GSG1L: variants seen among roughly 807,000 people sequenced by gnomAD.
GSG1L encodes GSG1 like, also known as germ cell-specific gene 1-like protein.
GSG1L carries 24 observed loss-of-function variants against 42.1 expected under a neutral mutation model. That is an observed-to-expected ratio of 0.57 (90% confidence interval 0.41 to 0.80). GSG1L has a LOEUF of 0.80. Among genes scored for constraint, GSG1L ranks in the 30% least tolerant of loss-of-function variants. GSG1L has a pLI of 0.00. For missense variants in GSG1L, 445 were observed against 472.2 expected, an observed-to-expected ratio of 0.94 and a Z score of 0.53; for synonymous variants, 215 against 203.5, an observed-to-expected ratio of 1.06 and a Z score of -0.48.
At chr16:27,924,952 C>A (rs928172016) in intron 2 of GSG1L, among the ~76,000 whole-genome samples, 4 of 152,190 alleles carry the variant, frequency 2.6e-5, no homozygotes, top group Non-Finnish European at 5.9e-5. Flanking sequence ...CCGGATCACA[C>A]GCCTACTTCT....
chr16:27,816,952 G>C (rs2083100996), intron 5 of GSG1L, among the ~76,000 whole-genome samples: 1 of 152,208 alleles, frequency 6.6e-6, no homozygotes, highest in Non-Finnish European at 1.5e-5. Context: ...CTGCAGAGGT[G>C]TTGGAGGTGA....
At chr16:28,039,400 G>A (rs2086079339) in intron 1 of GSG1L, among the ~76,000 whole-genome samples, 1 of 152,158 alleles carries the variant, frequency 6.6e-6, no homozygotes, top group African/African-American at 2.4e-5. Flanking sequence ...GTTGGTAGGA[G>A]CCATGGAGAC....
chr16:27,829,616 A>C (rs961468240), intron 4 of GSG1L, among the ~76,000 whole-genome samples: 13 of 152,190 alleles, frequency 8.5e-5, no homozygotes, highest in Non-Finnish European at 8.8e-5. Context: ...GTGCGATCAT[A>C]GCTTACTGCA....
chr16:27,956,442 T>C (rs1474742249), intron 2 of GSG1L, among the ~76,000 whole-genome samples: 1 of 152,194 alleles, frequency 6.6e-6, no homozygotes, highest in Non-Finnish European at 1.5e-5. Context: ...TTGAGACCTA[T>C]GGTCAGGTCC....
chr16:28,026,033 C>T (rs1045644726), intron 1 of GSG1L, among the ~76,000 whole-genome samples: 3 of 152,208 alleles, frequency 2.0e-5, no homozygotes, highest in Admixed American at 6.5e-5. Context: ...TAAAGAAATT[C>T]GTCTGATCAA....
intron 2 of GSG1L, among the ~76,000 whole-genome samples, chr16:27,908,606 TG>T (rs2084347285): frequency 6.6e-6 from 1 of 152,198 alleles, no homozygotes; most frequent in Non-Finnish European, 1.5e-5. Context: ...GTGGCTTTTC[TG>T]GTGTGGGCCT....
intron 1 of GSG1L, among the ~76,000 whole-genome samples, chr16:28,045,125 T>C (rs2086147020): frequency 6.6e-6 from 1 of 152,144 alleles, no homozygotes. Context: ...CTCTGTCTGA[T>C]ACTACAATGG....
At chr16:27,883,113 A>T (rs998674507) in intron 3 of GSG1L, among the ~76,000 whole-genome samples, 4 of 54,578 alleles carry the variant, frequency 7.3e-5, no homozygotes, top group African/African-American at 2.4e-4. Context: ...AGCAAGACCC[A>T]ATCTCAAAAA....
At chr16:27,840,506 C>T (rs1182179137) in intron 4 of GSG1L, among the ~76,000 whole-genome samples, 2 of 152,108 alleles carry the variant, frequency 1.3e-5, no homozygotes, top group East Asian at 1.9e-4. Flanking sequence ...TGAGACATGG[C>T]GCCAAAAGGA....
chr16:27,812,925 G>A (rs2083049562), intron 5 of GSG1L, among the ~76,000 whole-genome samples: 1 of 151,928 alleles, frequency 6.6e-6, no homozygotes, highest in Non-Finnish European at 1.5e-5. Flanking sequence ...GACTACGGTC[G>A]TGCACCATCA....
chr16:27,914,499 T>C (rs1473867568), intron 2 of GSG1L, among the ~76,000 whole-genome samples: 1 of 151,910 alleles, frequency 6.6e-6, no homozygotes, highest in Non-Finnish European at 1.5e-5. Context: ...AGAAGCGTTT[T>C]CTCTTTCTTT....
chr16:27,876,187 C>A (rs1281615684), intron 3 of GSG1L, among the ~76,000 whole-genome samples: 1 of 152,154 alleles, frequency 6.6e-6, no homozygotes, highest in African/African-American at 2.4e-5. Flanking sequence ...TCTGCCAGGC[C>A]AGGGAAACTG....
At chr16:27,879,281 G>A (rs1179552251) in intron 3 of GSG1L, among the ~76,000 whole-genome samples, 2 of 152,142 alleles carry the variant, frequency 1.3e-5, no homozygotes, top group African/African-American at 4.8e-5. Context: ...ATTGGTTCTA[G>A]AACTCCTCAC....
At chr16:27,894,429 T>A (rs566881319) in intron 2 of GSG1L, among the ~76,000 whole-genome samples, 1 of 152,374 alleles carries the variant, frequency 6.6e-6, no homozygotes, top group East Asian at 1.9e-4. Flanking sequence ...CAAAGTCATA[T>A]GAAGTCTCAA....
At chr16:28,031,177 T>A (rs2085958109) in intron 1 of GSG1L, among the ~76,000 whole-genome samples, 1 of 112,138 alleles carries the variant, frequency 8.9e-6, no homozygotes, top group Admixed American at 1.1e-4. Flanking sequence ...GGGAATGGGA[T>A]GGGATGGTTT....
intron 2 of GSG1L, among the ~76,000 whole-genome samples, chr16:27,902,570 G>T (rs1005426019): frequency 3.3e-5 from 5 of 152,086 alleles, no homozygotes; most frequent in Non-Finnish European, 4.4e-5. Flanking sequence ...AGGGAGAGGG[G>T]GGGCCGCTGG....
At position 28,040,532 on chromosome 16, in the gene GSG1L, GA is replaced by G. The variant is rs1043351408; in HGVS notation, c.349+22543del. 1.3e-5 allele frequency among the ~76,000 whole-genome samples: 2 copies of G among 152,014 alleles called. No homozygotes were observed. Among genetic ancestry groups the G allele is most frequent in the African/African-American group, 4.8e-5 (2 of 41,394 alleles). On this transcript the variant is annotated intron_variant, in intron 1 of 6. Transcript: ENST00000447459. This position sits in a 1 kb window ranked among gnomAD's most constrained non-coding sequence, Gnocchi z 4.1. ...CTCAACATCAATAATAATAATAATAGAAAAAAATGGTGCCTGGCATACAGTA... is the reference window on the plus strand; with the variant it reads ...CTCAACATCAATAATAATAATAATAGAAAAAATGGTGCCTGGCATACAGTA...
chr16:27,927,583 C>A (rs1397201200), intron 2 of GSG1L, among the ~76,000 whole-genome samples: 1 of 152,142 alleles, frequency 6.6e-6, no homozygotes, highest in East Asian at 1.9e-4. Flanking sequence ...TCCTCTGCAC[C>A]ACAGGGCCTT....
At chr16:27,893,653 G>C (rs2084156487) in intron 2 of GSG1L, among the ~76,000 whole-genome samples, 1 of 152,104 alleles carries the variant, frequency 6.6e-6, no homozygotes, top group Non-Finnish European at 1.5e-5. Context: ...CACAATCAAG[G>C]CTCACTGCAG....
Sources: gnomAD v4.1 joint callset for allele counts (sites outside exome capture counted in the v4.1 genomes callset) on GRCh38, gnomAD v4.1.1 for gene constraint, Gnocchi (gnomAD v3.1) non-coding constraint, MANE v1.5 for transcripts, NCBI Gene and HGNC (gene_info 2026-07-23, HGNC 2026-07-21) for gene names.